TNXB: variants seen among roughly 807,000 people sequenced by gnomAD.
TNXB encodes tenascin-X.
TNXB carries 183 observed loss-of-function variants against 340.5 expected under a neutral mutation model. That is an observed-to-expected ratio of 0.54 (90% CI 0.48 to 0.61). The LOEUF (loss-of-function observed/expected upper bound fraction) is 0.61, where lower values mean the gene tolerates loss of function less well. Among genes scored for constraint, TNXB ranks in the 20% least tolerant of loss-of-function variants. The pLI is 0.00. For synonymous variants in TNXB, 2,121 were observed against 2,314.5 expected (o/e 0.92, Z 2.40); for missense variants, 4,613 against 5,446.4 (o/e 0.85, Z 4.82).
intron 19 of TNXB, among the ~76,000 whole-genome samples, chr6:32,063,342 C>T (rs1389365283): frequency 1.3e-5 from 2 of 151,578 alleles, no homozygotes; most frequent in Non-Finnish European, 2.9e-5. Flanking sequence ...GAGCTGAGAT[C>T]GCACCACGGC....
In TNXB at chr6:32,050,263, G is replaced by A. The variant is rs1282246719; in HGVS notation, c.9174C>T (p.Pro3058=). The A allele has an allele frequency of 1.2e-6, 2 of 1,613,458 alleles. No individual in the cohort carries two copies. The highest frequency in any genetic ancestry group is 4.5e-5 in the East Asian group (2 of 44,886). Residue 3058 remains proline (P), a synonymous_variant, in exon 27 of 44, where the codon CCC becomes CCT. Coordinates refer to ENST00000644971, the MANE Select transcript of TNXB (RefSeq NM_001365276.2). The part of the protein sequence containing the change: ...QAVPTMTPEP[P]IKPRLGELTV... ...TCAGCTCCCCCAGGCGAGGCTTGAT[G>A]GGGGGCTCAGGGGTCATGGTAGGCA...
chr6:32,104,639 TTTTC>T (rs1405327767), intron 1 of TNXB, among the ~76,000 whole-genome samples: 1 of 152,072 alleles, frequency 6.6e-6, no homozygotes, highest in African/African-American at 2.4e-5. Flanking sequence ...GCTGCTTTTT[TTTTC>T]TTTTTTTTTG....
In TNXB at chr6:32,095,118, A is replaced by C; in HGVS notation, c.2316T>G (p.Ala772=). 7 of 1,549,404 alleles carry C rather than the reference A, an allele frequency of 4.5e-6. No homozygotes were observed. Among genetic ancestry groups the C allele is most frequent in the Non-Finnish European group, 6.1e-6 (7 of 1,146,176 alleles). ...TTTCATAGGCATCCACGGGGCCAGGAGCCGGGGTCCACTCTGTCCGAACTG... is the reference window on the plus strand; with the variant it reads ...TTTCATAGGCATCCACGGGGCCAGGCGCCGGGGTCCACTCTGTCCGAACTG... ...ETTVRTEWTP[A]PGPVDAYEIQ... The change falls in exon 4 of 44, where the codon GCT becomes GCG. Residue 772 remains alanine (A), a synonymous_variant. Transcript: ENST00000644971.
chr6:32,049,494 G>T lies in TNXB; in HGVS notation c.9533C>A (p.Ser3178Tyr). 6.2e-7 allele frequency: 1 copy of T among 1,612,590 alleles called. No homozygotes were observed. Among genetic ancestry groups the T allele is most frequent in the Non-Finnish European group, 8.5e-7 (1 of 1,179,848 alleles). Residue 3178 changes from serine to tyrosine, a missense_variant, in exon 28 of 44, where the codon TCC becomes TAC. By Grantham distance (144) the Ser-to-Tyr change is moderately radical. Coordinates refer to ENST00000644971, the MANE Select transcript of TNXB (RefSeq NM_001365276.2). This position sits in a 1 kb window ranked among gnomAD's most constrained non-coding sequence, Gnocchi z 4.5. ...CCAGGAGAGGCTCAGCGAGTCAGGG[G>T]AGGATCCTGTCACTGTCAACTCCCC... ...LLGELTVTGS[S>Y]PDSLSLSWTV...
chr6:32,063,814 G>T (rs1778168815), intron 19 of TNXB, among the ~76,000 whole-genome samples: 1 of 152,172 alleles, frequency 6.6e-6, no homozygotes, highest in Non-Finnish European at 1.5e-5. Flanking sequence ...GGGGGTAACA[G>T]CTATAAAAGA....
chr6:32,069,896 T>C lies in TNXB; in HGVS notation c.5279-35A>G, dbSNP rs1302084153. On this transcript the variant is annotated intron_variant, in intron 14 of 43. Transcript: ENST00000644971. The surrounding 1 kb of genome is among the most constrained non-coding windows in gnomAD (Gnocchi z 6.2). Reference sequence around the variant, plus strand: ...AGACACGGAGAGGAAACGGCTGAGCTGTTTCTGGAAGACTGGGTGACCTCG... The same window carrying C: ...AGACACGGAGAGGAAACGGCTGAGCCGTTTCTGGAAGACTGGGTGACCTCG... The C allele has an allele frequency of 1.3e-6, 2 of 1,544,892 alleles. No individual in the cohort carries two copies. The highest frequency in any genetic ancestry group is 1.7e-4 in the Middle Eastern group (1 of 5,724).
Position 32,085,698 on chromosome 6 carries a change from C to T in TNXB, c.3148+52G>A. On this transcript the variant is annotated intron_variant, in intron 7 of 43. Coordinates refer to ENST00000644971, the MANE Select transcript of TNXB (RefSeq NM_001365276.2). This position sits in a 1 kb window ranked among gnomAD's most constrained non-coding sequence, Gnocchi z 6.4. The stretch of plus-strand genomic sequence containing the variant: ...CCTACCTCTGAAGTCCCAATAACCC[C>T]AGCTCCTCCCCCAATCTCAGGATAT... 6.7e-7 allele frequency: 1 copy of T among 1,486,966 alleles called. No individual in the cohort carries two copies. Among genetic ancestry groups the T allele is most frequent in the Non-Finnish European group, 8.9e-7 (1 of 1,118,538 alleles). 92.1% of individuals were successfully genotyped at this position (1,486,966 alleles called of 1,614,324 possible).
At position 32,086,882 on chromosome 6, in the gene TNXB, C is replaced by T. The variant is rs77633711; in HGVS notation, c.2780-764G>A. On this transcript the variant is annotated intron_variant, in intron 6 of 43. Transcript: ENST00000644971. ...CCACTCTCACCACAGTGAGTCAGAA[C>T]GGGAATCACTGTTTTCAATTCCCAG... Among the ~76,000 whole-genome samples, 404 of 152,366 alleles carry T rather than the reference C, an allele frequency of 2.7e-3. 9 individuals are homozygous for T. The East Asian group carries it at 0.043, about 16-fold the overall frequency.
chr6:32,080,530 A>G lies in TNXB; in HGVS notation c.4042+838T>C, dbSNP rs577292062. ...TGGCCTTTCTAAGTGTTATACATAT[A>G]TTAACTCATGTAATTCCAACAGCTC... On this transcript the variant is annotated intron_variant, in intron 10 of 43. Coordinates refer to ENST00000644971, the MANE Select transcript of TNXB (RefSeq NM_001365276.2). This position sits in a 1 kb window ranked among gnomAD's most constrained non-coding sequence, Gnocchi z 4.3. 1.3e-5 allele frequency among the ~76,000 whole-genome samples: 2 copies of G among 152,330 alleles called. No homozygotes were observed. Among genetic ancestry groups the G allele is most frequent in the South Asian group, 4.1e-4 (2 of 4,822 alleles).
Position 32,072,334 on chromosome 6 carries a change from C to G in TNXB, c.4682-36G>C. On this transcript the variant is annotated intron_variant, in intron 12 of 43. Coordinates refer to ENST00000644971, the MANE Select transcript of TNXB (RefSeq NM_001365276.2). This position sits in a 1 kb window ranked among gnomAD's most constrained non-coding sequence, Gnocchi z 4.4. The stretch of plus-strand genomic sequence containing the variant: ...GGAAGACAAAGAACATGGTTGAGAT[C>G]TCTGAGGGGAGAACCCCTGGGCTTT... 1 of 1,550,074 alleles carries G rather than the reference C, an allele frequency of 6.5e-7. No homozygotes were observed. The highest frequency in any genetic ancestry group is 1.4e-5 in the African/African-American group (1 of 73,852).
Position 32,043,755 on chromosome 6 carries a change from T to A in TNXB, c.11524A>T (p.Thr3842Ser). 1 of 1,613,478 alleles carries A rather than the reference T, an allele frequency of 6.2e-7. No individual in the cohort carries two copies. Among genetic ancestry groups the A allele is most frequent in the Non-Finnish European group, 8.5e-7 (1 of 1,180,006 alleles). The change falls in exon 35 of 44, where the codon ACC (threonine) becomes TCC (serine). Residue 3842 changes from threonine to serine, a missense_variant. Coordinates refer to ENST00000644971, the MANE Select transcript of TNXB (RefSeq NM_001365276.2). ...EESEPLTGFL[T>S]TVPDGPTQLR... Reference sequence around the variant, plus strand: ...GGGTCCCAGTCCATCTCACCCGTGGTGAGGAAGCCTGTGAGAGGCTCACTC... The same window carrying A: ...GGGTCCCAGTCCATCTCACCCGTGGAGAGGAAGCCTGTGAGAGGCTCACTC...
intron 19 of TNXB, among the ~76,000 whole-genome samples, chr6:32,063,057 AAAAAACAAACAAAC>A (rs956327066): frequency 1.3e-5 from 2 of 151,456 alleles, no homozygotes; most frequent in South Asian, 2.1e-4. Flanking sequence ...CTTCTCAAGA[AAAAAACAAACAAAC>A]AAAAACAAAC....
Position 32,064,839 on chromosome 6 carries a change from A to G in TNXB, c.6823T>C (p.Ser2275Pro), listed in dbSNP as rs1466957093. The G allele has an allele frequency of 6.2e-7, 1 of 1,610,480 alleles. No homozygotes were observed. Among genetic ancestry groups the G allele is most frequent in the East Asian group, 2.2e-5 (1 of 44,872 alleles). ...CACTCACCAGTTAAACCAACAGCAG[A>G]CACGGGGCCCACGCGCTGGCCACCG... Reference protein sequence around the residue: ...FHGGQRVGPVSAVGLTAPGKD... With the variant: ...FHGGQRVGPVPAVGLTAPGKD... The change falls in exon 19 of 44, where the codon TCT (serine) becomes CCT (proline). Residue 2275 changes from serine to proline, a missense_variant. Physicochemically the swap from Ser to Pro is moderately conservative, Grantham distance 74 (BLOSUM62 -1). Coordinates refer to ENST00000644971, the MANE Select transcript of TNXB (RefSeq NM_001365276.2). This position sits in a 1 kb window ranked among gnomAD's most constrained non-coding sequence, Gnocchi z 5.3.
Position 32,068,402 on chromosome 6 carries a change from C to T in TNXB, c.6208G>A (p.Val2070Ile), listed in dbSNP as rs374970674. Residue 2070 changes from valine to isoleucine, a missense_variant, in exon 17 of 44, where the codon GTC becomes ATC. Physicochemically the swap from Val to Ile is conservative, Grantham distance 29. Around this residue, in one of 7 missense-constraint regions of TNXB, gnomAD observed 4,327 missense variants for 4,859.4 expected, o/e 0.89. Transcript: ENST00000644971. The surrounding 1 kb of genome is among the most constrained non-coding windows in gnomAD (Gnocchi z 5.3). Reference sequence around the variant, plus strand: ...ATCATCCACTCACCTGTCACCCCGACGACAGACACAGGGCCCATGCGCTGG... The same window carrying T: ...ATCATCCACTCACCTGTCACCCCGATGACAGACACAGGGCCCATGCGCTGG... ...GGQRMGPVSVVGVTAAEEETP... is the reference protein window; with the variant it reads ...GGQRMGPVSVIGVTAAEEETP... 1.4e-5 allele frequency: 22 copies of T among 1,613,460 alleles called. No homozygotes were observed. Among genetic ancestry groups the T allele is most frequent in the African/African-American group, 6.7e-5 (5 of 75,052 alleles).
chr6:32,086,660 A>G (rs1308152061), intron 6 of TNXB, among the ~76,000 whole-genome samples: 1 of 152,178 alleles, frequency 6.6e-6, no homozygotes, highest in Non-Finnish European at 1.5e-5. Flanking sequence ...CCAAGCCCAG[A>G]CATCGTTCCT....
In TNXB at chr6:32,051,344, C is replaced by T. The variant is rs1777272738; in HGVS notation, c.9116-1023G>A. 6.6e-6 allele frequency among the ~76,000 whole-genome samples: 1 copy of T among 152,216 alleles called. No homozygotes were observed. Among genetic ancestry groups the T allele is most frequent in the African/African-American group, 2.4e-5 (1 of 41,456 alleles). ...AGGACAGGAACTTTTCCCATTAGGA[C>T]AGGAACCCTAACTCTGAGCCTAACC... On this transcript the variant is annotated intron_variant, in intron 26 of 43. Coordinates refer to ENST00000644971, the MANE Select transcript of TNXB (RefSeq NM_001365276.2). The surrounding 1 kb of genome is among the most constrained non-coding windows in gnomAD (Gnocchi z 4.7).
In TNXB at chr6:32,052,075, A is replaced by G. The variant is rs576228266; in HGVS notation, c.9115+595T>C. ...GCGATTAGAATGGCGAATTATGTCAAGTGTACTTTACTACAATAAAAAACA... is the reference window on the plus strand; with the variant it reads ...GCGATTAGAATGGCGAATTATGTCAGGTGTACTTTACTACAATAAAAAACA... On this transcript the variant is annotated intron_variant, in intron 26 of 43. Coordinates refer to ENST00000644971, the MANE Select transcript of TNXB (RefSeq NM_001365276.2). This position sits in a 1 kb window ranked among gnomAD's most constrained non-coding sequence, Gnocchi z 4.7. 9.8e-5 allele frequency among the ~76,000 whole-genome samples: 15 copies of G among 152,350 alleles called. No homozygotes were observed. Among genetic ancestry groups the G allele is most frequent in the African/African-American group, 3.6e-4 (15 of 41,576 alleles).
rs368428784 is a variant in TNXB, at chr6:32,043,766, G to A, written c.11513C>T (p.Thr3838Ile). The change falls in exon 35 of 44, where the codon ACA (threonine) becomes ATA (isoleucine). Residue 3838 changes from threonine (T) to isoleucine (I), a missense_variant. Transcript: ENST00000644971. ...CATCTCACCCGTGGTGAGGAAGCCT[G>A]TGAGAGGCTCACTCTCCTCAAAGCC... ...VRGFEESEPL[T>I]GFLTTVPDGP... 8 of 1,613,408 alleles carry A rather than the reference G, an allele frequency of 5.0e-6. No homozygotes were observed. In the African/African-American group the frequency reaches 9.3e-5, roughly 19 times the overall value.
At position 32,053,419 on chromosome 6, in the gene TNXB, G is replaced by A. The variant is rs747920918; in HGVS notation, c.8760C>T (p.Arg2920=). Residue 2920 remains arginine (R), a synonymous_variant, in exon 25 of 44, where the codon CGC becomes CGT. Transcript: ENST00000644971. ...CCCCAATGACAGAGATGGGGCCCAC[G>A]CGCTGGCCACCGTGGAAGCCGTACA... ...MNLYGFHGGQ[R]VGPISVIGVT... The A allele has an allele frequency of 5.6e-6, 9 of 1,612,770 alleles. No individual in the cohort carries two copies. The highest frequency in any genetic ancestry group is 1.7e-5 in the Admixed American group (1 of 59,998).
Sources: gnomAD v4.1 joint callset for allele counts (sites outside exome capture counted in the v4.1 genomes callset) on GRCh38, gnomAD v4.1.1 for gene constraint, gnomAD v4.1.1 regional missense constraint, Gnocchi (gnomAD v3.1) non-coding constraint, MANE v1.5 for transcripts, NCBI Gene and HGNC (gene_info 2026-07-23, HGNC 2026-07-21) for gene names.